Variants in NFXL1 observed in about 807,000 individuals in gnomAD.
The protein encoded by NFXL1 is NF-X1-type zinc finger protein NFXL1.
A neutral mutation model predicts 123.3 loss-of-function variants in NFXL1; 66 were observed. The ratio of observed to expected loss-of-function variants is 0.54; its 90% CI spans 0.44 to 0.66. NFXL1 has a LOEUF of 0.66. NFXL1 is among the 30% of genes least tolerant of loss of function. The pLI is 0.00. For missense variants in NFXL1, 944 were observed against 1,125.6 expected, an observed-to-expected ratio of 0.84 and a Z score of 2.31; for synonymous variants, 346 against 360.8, an observed-to-expected ratio of 0.96 and a Z score of 0.46.
At chr4:47,897,923 G>T (rs745554779) in intron 9 of NFXL1, 44 bp downstream of exon 9, 91 of 1,221,908 alleles carry the variant, frequency 7.4e-5, no homozygotes, top group East Asian at 7.3e-4. Flanking sequence ...TTCATGGCTT[G>T]ACAGATCATT....
rs554204028 is a variant in NFXL1, at chr4:47,874,909, A to G, written c.2246+218T>C. Among the ~76,000 whole-genome samples the G allele has an allele frequency of 6.6e-4, 101 of 152,302 alleles. 1 individual carries two copies. Among genetic ancestry groups the G allele is most frequent in the African/African-American group, 2.3e-3 (96 of 41,566 alleles). ...TTTTTTTCATAACAAAATCTTATACAGAATCCCGAAATGGAAAAAAAGCAC... is the reference window on the plus strand; with the variant it reads ...TTTTTTTCATAACAAAATCTTATACGGAATCCCGAAATGGAAAAAAAGCAC... On this transcript the variant is annotated intron_variant, in intron 18 of 22. Transcript: ENST00000507489.
At chr4:47,876,379 T>C (rs976552175) in intron 17 of NFXL1, among the ~76,000 whole-genome samples, 1 of 151,676 alleles carries the variant, frequency 6.6e-6, no homozygotes, top group African/African-American at 2.4e-5. Flanking sequence ...TGAATAGAAA[T>C]TGAGTTAAAT....
At chr4:47,874,626 A>G (rs1735634196) in intron 18 of NFXL1, among the ~76,000 whole-genome samples, 1 of 152,184 alleles carries the variant, frequency 6.6e-6, no homozygotes. Context: ...ATATTGTGAG[A>G]ATTATCGAAA....
intron 15 of NFXL1, among the ~76,000 whole-genome samples, chr4:47,882,856 T>C (rs1372320759): frequency 1.3e-5 from 2 of 152,218 alleles, no homozygotes; most frequent in African/African-American, 4.8e-5. Context: ...GATCATGTCA[T>C]CTGAAAATAC....
At chr4:47,849,952 ATTTT>A (rs11330734) in intron 22 of NFXL1, among the ~76,000 whole-genome samples, 11 of 149,524 alleles carry the variant, frequency 7.4e-5, no homozygotes, top group Admixed American at 7.3e-4. Context: ...CGTATTATTT[ATTTT>A]TTTTTTTTTT....
At chr4:47,902,352 G>T (rs994129303) in intron 5 of NFXL1, among the ~76,000 whole-genome samples, 1 of 152,104 alleles carries the variant, frequency 6.6e-6, no homozygotes, top group African/African-American at 2.4e-5. Flanking sequence ...TTACTTAGCA[G>T]AGATATAAAA....
intron 6 of NFXL1, 81 bp from the exon 7 acceptor site, chr4:47,899,201 CAAT>C: frequency 1.5e-6 from 2 of 1,356,034 alleles, no homozygotes; most frequent in South Asian, 1.5e-5. Context: ...CTACACCTAT[CAAT>C]AATTTCTAGA....
chr4:47,877,721 T>A (rs1015876285), intron 17 of NFXL1, among the ~76,000 whole-genome samples: 5 of 152,088 alleles, frequency 3.3e-5, no homozygotes, highest in African/African-American at 1.2e-4. Flanking sequence ...TGTCATGTAT[T>A]ATAAATTAAA....
At chr4:47,896,007 G>A (rs1737062612) in intron 10 of NFXL1, among the ~76,000 whole-genome samples, 2 of 152,176 alleles carry the variant, frequency 1.3e-5, no homozygotes, top group African/African-American at 4.8e-5. Context: ...AAGGCCCAAG[G>A]AGAGGGAAAG....
intron 15 of NFXL1, among the ~76,000 whole-genome samples, chr4:47,880,625 A>G (rs1320789664): frequency 6.6e-6 from 1 of 151,778 alleles, no homozygotes; most frequent in Non-Finnish European, 1.5e-5. Flanking sequence ...TATTTCCTAT[A>G]GCATGTGCTC....
At chr4:47,890,068 C>T (rs994790482) in intron 12 of NFXL1, among the ~76,000 whole-genome samples, 1 of 151,722 alleles carries the variant, frequency 6.6e-6, no homozygotes, top group Non-Finnish European at 1.5e-5. Context: ...AATATTATTA[C>T]ATTTTATTTT....
chr4:47,910,268 A>G (rs1390775816), intron 3 of NFXL1, among the ~76,000 whole-genome samples: 1 of 152,160 alleles, frequency 6.6e-6, no homozygotes, highest in Non-Finnish European at 1.5e-5. Context: ...ACTTAAGCCC[A>G]GGAGTTGAAG....
chr4:47,878,644 C>A lies in NFXL1; in HGVS notation c.1960G>T (p.Ala654Ser). ...KHEVSPLPCH[A>S]VGPYSCKRVC... Reference sequence around the variant, plus strand: ...CTTTTACAAGAGTAGGGTCCTACAGCATGGCATGGTAGTGGACTCACCTTA... The same window carrying A: ...CTTTTACAAGAGTAGGGTCCTACAGAATGGCATGGTAGTGGACTCACCTTA... Residue 654 changes from alanine to serine, a missense_variant, in exon 17 of 23, where the codon GCT becomes TCT. Physicochemically the swap from Ala to Ser is moderately conservative, Grantham distance 99 (BLOSUM62 1). This residue lies in a region of NFXL1 where 301 missense variants were observed against 348.0 expected (regional missense o/e 0.86). Transcript: ENST00000507489. The A allele has an allele frequency of 6.3e-7, 1 of 1,594,514 alleles. No individual in the cohort carries two copies. Among genetic ancestry groups the A allele is most frequent in the Non-Finnish European group, 8.5e-7 (1 of 1,171,446 alleles).
chr4:47,857,656 A>C (rs1226300863), intron 19 of NFXL1, among the ~76,000 whole-genome samples: 1 of 152,052 alleles, frequency 6.6e-6, no homozygotes, highest in Non-Finnish European at 1.5e-5. Context: ...ATACTGGTAA[A>C]ATTTGTAGAA....
At chr4:47,895,840 T>A (rs1339438799) in intron 10 of NFXL1, among the ~76,000 whole-genome samples, 2 of 152,234 alleles carry the variant, frequency 1.3e-5, no homozygotes, top group African/African-American at 2.4e-5. Flanking sequence ...TCAGCCTATT[T>A]CAGCTTTCAA....
chr4:47,880,965 G>A (rs959497202), intron 15 of NFXL1, among the ~76,000 whole-genome samples: 1 of 151,920 alleles, frequency 6.6e-6, no homozygotes, highest in Non-Finnish European at 1.5e-5. Flanking sequence ...AGAGGGAGGA[G>A]GGGATAAGAG....
intron 22 of NFXL1, among the ~76,000 whole-genome samples, chr4:47,848,913 A>T (rs1733965044): frequency 6.6e-6 from 1 of 152,022 alleles, no homozygotes; most frequent in Non-Finnish European, 1.5e-5. Flanking sequence ...ATAAATAAAT[A>T]AAATAAAACG....
intron 16 of NFXL1, among the ~76,000 whole-genome samples, 197 bp from the exon 17 acceptor site, chr4:47,878,862 TCTC>T (rs1735914052): frequency 1.3e-5 from 2 of 152,144 alleles, no homozygotes; most frequent in South Asian, 4.1e-4. Flanking sequence ...AGCAAAATGT[TCTC>T]CTCCTAAAAG....
intron 12 of NFXL1, among the ~76,000 whole-genome samples, chr4:47,888,699 C>T (rs1003670977): frequency 1.3e-5 from 2 of 150,898 alleles, no homozygotes; most frequent in African/African-American, 5.0e-5. Context: ...AAAACTCAGA[C>T]TCTGAGAAAC....
Sources: gnomAD v4.1 joint callset for allele counts (sites outside exome capture counted in the v4.1 genomes callset) on GRCh38, gnomAD v4.1.1 for gene constraint, gnomAD v4.1.1 regional missense constraint, MANE v1.5 for transcripts, NCBI Gene and HGNC (gene_info 2026-07-23, HGNC 2026-07-21) for gene names.